Variants in XKR9 observed in about 807,000 individuals in gnomAD.
XKR9 encodes the protein XK-related protein 9.
Under a neutral mutation model 32.0 loss-of-function variants are expected in XKR9, and 32 were observed. That is an observed-to-expected ratio of 1.00 (90% CI 0.76 to 1.34). The LOEUF (loss-of-function observed/expected upper bound fraction) is 1.34. XKR9 is among the 40% of genes most tolerant of loss of function. XKR9 has a pLI of 0.00. For missense variants in XKR9, 546 were observed against 429.7 expected (o/e 1.27, Z -2.39); for synonymous variants, 168 against 143.4 (o/e 1.17, Z -1.22).
intron 4 of XKR9, among the ~76,000 whole-genome samples, chr8:70,711,038 ATAAT>A (rs1481069345): frequency 6.6e-6 from 1 of 152,142 alleles, no homozygotes; most frequent in Non-Finnish European, 1.5e-5. Flanking sequence ...TATTTCACTA[ATAAT>A]TAGAGAAATG....
intron 3 of XKR9, among the ~76,000 whole-genome samples, chr8:70,687,312 C>CTCTTTCTT (rs57039682): frequency 0.25 from 34,665 of 137,944 alleles, 4,607 homozygotes; most frequent in East Asian, 0.3. Context: ...TCTCTCCTCC[C>CTCTTTCTT]TCTTTCTTTC....
chr8:70,955,249 G>C, the XKR9 span, among the ~76,000 whole-genome samples: 1 of 152,296 alleles, frequency 6.6e-6, no homozygotes, highest in African/African-American at 2.4e-5. Flanking sequence ...GGATCCCCAG[G>C]TAAAGGCTGC....
the XKR9 span, among the ~76,000 whole-genome samples, chr8:71,043,552 A>AT: frequency 3.3e-5 from 5 of 152,182 alleles, no homozygotes; most frequent in Admixed American, 6.5e-5. Context: ...AACCCTGGAC[A>AT]TTTTTTATTT....
At chr8:70,677,700 G>C (rs1326676477) in intron 2 of XKR9, among the ~76,000 whole-genome samples, 1 of 152,142 alleles carries the variant, frequency 6.6e-6, no homozygotes, top group East Asian at 1.9e-4. Flanking sequence ...ACTCATTAGA[G>C]AAAACTCACC....
chr8:70,831,235 G>C, the XKR9 span, among the ~76,000 whole-genome samples: 29 of 149,006 alleles, frequency 1.9e-4, no homozygotes, highest in African/African-American at 6.2e-4. Flanking sequence ...AGGTTGCAGT[G>C]AGCCAAGATC....
In XKR9 at chr8:70,733,955, T is replaced by C; in HGVS notation, c.653T>C (p.Leu218Pro). 2 of 1,612,876 alleles carry C rather than the reference T, an allele frequency of 1.2e-6. No individual in the cohort carries two copies. The highest frequency in any genetic ancestry group is 1.7e-6 in the Non-Finnish European group (2 of 1,179,678). ...YKLFTLLSWM[L>P]SVVLLLFLNV... The stretch of plus-strand genomic sequence containing the variant: ...TTGTTTACATTATTATCGTGGATGC[T>C]GAGTGTTGTACTTCTACTATTCTTA... Residue 218 changes from leucine to proline, a missense_variant, in exon 5 of 5, where the codon CTG (leucine) becomes CCG (proline). Physicochemically the swap from Leu to Pro is moderately conservative, Grantham distance 98 (BLOSUM62 -3). Transcript: ENST00000408926.
At chr8:70,881,320 G>C in the XKR9 span, among the ~76,000 whole-genome samples, 5 of 152,210 alleles carry the variant, frequency 3.3e-5, no homozygotes, top group East Asian at 9.7e-4. Flanking sequence ...ACTATGATCA[G>C]AGTAAACAAG....
At chr8:70,797,280 G>A in the XKR9 span, among the ~76,000 whole-genome samples, 3 of 152,146 alleles carry the variant, frequency 2.0e-5, no homozygotes, top group Admixed American at 6.6e-5. Flanking sequence ...CTGGCTGAGA[G>A]TACCTGGGAA....
chr8:70,979,489 C>T, the XKR9 span, among the ~76,000 whole-genome samples: 1 of 152,210 alleles, frequency 6.6e-6, no homozygotes, highest in South Asian at 2.1e-4. Context: ...TTCTAACAGT[C>T]AGGTCCCTCA....
chr8:70,802,047 C>T, the XKR9 span, among the ~76,000 whole-genome samples: 5 of 151,808 alleles, frequency 3.3e-5, no homozygotes, highest in Admixed American at 3.3e-4. Context: ...CGCCATTCTC[C>T]TGCCTCAGCC....
At chr8:71,029,346 A>G in the XKR9 span, among the ~76,000 whole-genome samples, 2 of 152,200 alleles carry the variant, frequency 1.3e-5, no homozygotes, top group Non-Finnish European at 2.9e-5. Flanking sequence ...GAAACATTTC[A>G]GTGCACATTT....
the XKR9 span, among the ~76,000 whole-genome samples, chr8:70,896,231 G>A: frequency 1.3e-5 from 2 of 152,176 alleles, no homozygotes; most frequent in African/African-American, 4.8e-5. Flanking sequence ...AAAATGAGTT[G>A]GGAAGTGTTT....
the XKR9 span, among the ~76,000 whole-genome samples, chr8:70,800,041 A>G: frequency 6.6e-6 from 1 of 152,230 alleles, no homozygotes; most frequent in Non-Finnish European, 1.5e-5. Flanking sequence ...TTCCCTCAAT[A>G]CCTAATTTAT....
At chr8:70,921,315 C>A in the XKR9 span, among the ~76,000 whole-genome samples, 1 of 152,166 alleles carries the variant, frequency 6.6e-6, no homozygotes, top group South Asian at 2.1e-4. Context: ...TTCAGGGACC[C>A]TCCATGATGA....
the XKR9 span, among the ~76,000 whole-genome samples, chr8:70,963,210 C>T: frequency 6.6e-6 from 1 of 152,090 alleles, no homozygotes; most frequent in Non-Finnish European, 1.5e-5. Flanking sequence ...TAAGTGAGAA[C>T]ATTTGGTGTT....
the XKR9 span, among the ~76,000 whole-genome samples, chr8:70,905,749 C>A: frequency 1.3e-5 from 2 of 152,148 alleles, no homozygotes; most frequent in African/African-American, 4.8e-5. Context: ...TTCTCCCCAT[C>A]TTTGTGGTTT....
At chr8:71,002,778 G>A in the XKR9 span, among the ~76,000 whole-genome samples, 47 of 152,338 alleles carry the variant, frequency 3.1e-4, no homozygotes, top group Admixed American at 6.5e-4. Context: ...GAAAGGCCAG[G>A]TAAGCTGTTG....
chr8:70,997,625 G>A, the XKR9 span, among the ~76,000 whole-genome samples: 1 of 152,062 alleles, frequency 6.6e-6, no homozygotes, highest in Non-Finnish European at 1.5e-5. Context: ...AAGGGTGGGA[G>A]GGGGATGAGG....
intron 2 of XKR9, among the ~76,000 whole-genome samples, chr8:70,749,015 G>T (rs1167031350): frequency 6.6e-6 from 1 of 152,170 alleles, no homozygotes; most frequent in South Asian, 2.1e-4. Context: ...TGGACAACCT[G>T]CCTGTGGAAA....
Sources: allele counts gnomAD v4.1 joint callset (sites outside exome capture counted in the v4.1 genomes callset), GRCh38; gene constraint gnomAD v4.1.1; transcripts MANE v1.5; gene names NCBI Gene and HGNC (gene_info 2026-07-23, HGNC 2026-07-21).